LRRC7: variants seen among roughly 807,000 people sequenced by gnomAD.
LRRC7 encodes leucine rich repeat containing 7, also known as leucine-rich repeat-containing protein 7.
LRRC7 carries 23 observed loss-of-function variants against 175.7 expected under a neutral mutation model. The ratio of observed to expected loss-of-function variants is 0.13; its 90% CI spans 0.09 to 0.19. The LOEUF (loss-of-function observed/expected upper bound fraction) is 0.19, where lower values mean the gene tolerates loss of function less well. Among genes scored for constraint, LRRC7 ranks in the 10% least tolerant of loss-of-function variants. The pLI, the probability that LRRC7 is intolerant of heterozygous loss-of-function variation, is 1.00. For missense variants in LRRC7, 1,354 were observed against 1,904.7 expected (o/e 0.71, Z 5.38); for synonymous variants, 685 against 680.9 (o/e 1.01, Z -0.09).
Position 69,856,622 on chromosome 1 carries a change from T to C in LRRC7, c.647+18339T>C, listed in dbSNP as rs1683663127. On this transcript the variant is annotated intron_variant, in intron 7 of 26. Coordinates refer to ENST00000651989, the MANE Select transcript of LRRC7 (RefSeq NM_001370785.2). Reference sequence around the variant, plus strand: ...GCTGTGAAATTGAGGCAATAATTAATAGCCTACTAACCAAAAAAAGTCCAG... The same window carrying C: ...GCTGTGAAATTGAGGCAATAATTAACAGCCTACTAACCAAAAAAAGTCCAG... 2.0e-5 allele frequency among the ~76,000 whole-genome samples: 3 copies of C among 152,108 alleles called. No individual in the cohort carries two copies. The South Asian group carries it at 6.2e-4, about 32-fold the overall frequency.
chr1:69,639,476 ACT>A (rs1197804876), intron 1 of LRRC7, among the ~76,000 whole-genome samples: 1 of 151,842 alleles, frequency 6.6e-6, no homozygotes, highest in East Asian at 1.9e-4. Flanking sequence ...TTTTCTGCAA[ACT>A]CTATTTTTGT....
intron 8 of LRRC7, among the ~76,000 whole-genome samples, chr1:69,932,165 A>G (rs1328861796): frequency 2.0e-5 from 3 of 152,234 alleles, no homozygotes; most frequent in East Asian, 1.9e-4. Flanking sequence ...GATGCAAATC[A>G]GAAAGCATAT....
intron 7 of LRRC7, among the ~76,000 whole-genome samples, chr1:69,885,550 A>T: frequency 7.4e-6 from 1 of 135,264 alleles, no homozygotes; most frequent in Non-Finnish European, 1.5e-5. Flanking sequence ...AGTTTTGTTG[A>T]TCCTTGCAAA....
At chr1:70,043,928 G>A (rs1183333060) in intron 21 of LRRC7, 26 bp from the exon 22 acceptor site, 3 of 1,586,834 alleles carry the variant, frequency 1.9e-6, no homozygotes, top group Non-Finnish European at 2.6e-6. Context: ...TTCACACCCT[G>A]TCACATGATT....
chr1:69,973,906 C>A (rs572123652), intron 8 of LRRC7, among the ~76,000 whole-genome samples: 4 of 152,202 alleles, frequency 2.6e-5, no homozygotes, highest in Non-Finnish European at 5.9e-5. Flanking sequence ...TGATTTTGAT[C>A]TCTGTTTTAA....
At chr1:69,811,245 G>A (rs144139054) in intron 4 of LRRC7, among the ~76,000 whole-genome samples, 3,529 of 152,242 alleles carry the variant, frequency 0.023, 136 homozygotes, top group African/African-American at 0.08. Flanking sequence ...AGTTAGAATG[G>A]CAATCATTAA....
intron 26 of LRRC7, among the ~76,000 whole-genome samples, chr1:70,115,886 C>T (rs1169323694): frequency 6.6e-6 from 1 of 152,154 alleles, no homozygotes; most frequent in Non-Finnish European, 1.5e-5. Flanking sequence ...AGAGCAAGCT[C>T]TTCATCAAAA....
chr1:70,068,970 T>C (rs1392064960), intron 23 of LRRC7, among the ~76,000 whole-genome samples: 1 of 152,178 alleles, frequency 6.6e-6, no homozygotes, highest in African/African-American at 2.4e-5. Context: ...AAATGTCCAG[T>C]GAAACCATCT....
rs754635231 is a variant in LRRC7, at chr1:70,039,292, C to T, written c.3468C>T (p.Ser1156=). ...ARAGFLRRAD[S]LVSATEMAMF... ...CGGGCTTCCTGAGAAGGGCCGACTCCCTGGTGAGCGCCACAGAAATGGCCA... is the reference window on the plus strand; with the variant it reads ...CGGGCTTCCTGAGAAGGGCCGACTCTCTGGTGAGCGCCACAGAAATGGCCA... Residue 1156 remains serine (S), a synonymous_variant, in exon 21 of 27, where the codon TCC becomes TCT. Coordinates refer to ENST00000651989, the MANE Select transcript of LRRC7 (RefSeq NM_001370785.2). 3.1e-6 allele frequency: 5 copies of T among 1,614,014 alleles called. No homozygotes were observed. Among genetic ancestry groups the T allele is most frequent in the Admixed American group, 1.7e-5 (1 of 60,024 alleles).
At chr1:69,996,876 A>T (rs1257907248) in intron 11 of LRRC7, among the ~76,000 whole-genome samples, 1 of 152,116 alleles carries the variant, frequency 6.6e-6, no homozygotes, top group Non-Finnish European at 1.5e-5. Context: ...TGACTTGGCA[A>T]TGCGGGCTCT....
chr1:69,720,686 G>T (rs1424962257), intron 2 of LRRC7, among the ~76,000 whole-genome samples: 1 of 151,472 alleles, frequency 6.6e-6, no homozygotes, highest in African/African-American at 2.4e-5. Context: ...ATTTTTGCTG[G>T]TTATAGAATT....
At position 70,141,649 on chromosome 1, in the gene LRRC7, C is replaced by CT. The variant is rs1667065332; in HGVS notation, c.*19768dup. The CT allele has an allele frequency of 4.6e-5, 7 of 152,076 alleles. No individual in the cohort carries two copies. In the South Asian group the frequency reaches 1.4e-3, roughly 31 times the overall value. 9.4% of individuals were successfully genotyped at this position (152,076 alleles called of 1,614,324 possible). A position where few individuals can be genotyped will look rare whatever the true frequency, so the allele number is the denominator to read the frequency against. On this transcript the variant is annotated 3_prime_UTR_variant, in exon 27 of 27. Transcript: ENST00000651989. The stretch of plus-strand genomic sequence containing the variant: ...GAAAATTATCAAATGTAAATGATCC[C>CT]TTTTTTGCTGGATCTTATAAAATAT...
At chr1:70,011,334 G>T (rs1043613818) in intron 11 of LRRC7, among the ~76,000 whole-genome samples, 7 of 148,790 alleles carry the variant, frequency 4.7e-5, no homozygotes, top group East Asian at 3.9e-4. Context: ...AGAATTGGTG[G>T]TTTTTTTTTT....
intron 1 of LRRC7, among the ~76,000 whole-genome samples, chr1:69,661,407 C>T (rs1420331707): frequency 6.6e-6 from 1 of 152,136 alleles, no homozygotes; most frequent in African/African-American, 2.4e-5. Context: ...TGCCTTACAA[C>T]ATCCCAGAAA....
chr1:69,692,955 A>T (rs2050858), intron 2 of LRRC7, among the ~76,000 whole-genome samples: 36,545 of 152,050 alleles, frequency 0.24, 5,309 homozygotes, highest in African/African-American at 0.4. Context: ...AATAGAACAA[A>T]AGTGTGGCTC....
At chr1:69,715,789 T>A (rs1665277513) in intron 2 of LRRC7, among the ~76,000 whole-genome samples, 3 of 151,894 alleles carry the variant, frequency 2.0e-5, no homozygotes, top group Admixed American at 6.6e-5. Flanking sequence ...AAATTCAAGA[T>A]AAGGAAAAAT....
intron 8 of LRRC7, among the ~76,000 whole-genome samples, chr1:69,932,190 C>T (rs375453879): frequency 1.7e-4 from 26 of 152,140 alleles, no homozygotes; most frequent in Non-Finnish European, 2.1e-4. Context: ...CTTTACAAGA[C>T]GGCTCAGCTT....
chr1:69,673,863 A>G (rs1263858351), intron 1 of LRRC7, among the ~76,000 whole-genome samples: 1 of 152,246 alleles, frequency 6.6e-6, no homozygotes, highest in Admixed American at 6.5e-5. Context: ...TCTTTTTGGC[A>G]GTTCTCAAAA....
At chr1:70,090,302 TA>T in intron 25 of LRRC7, among the ~76,000 whole-genome samples, 1 of 152,234 alleles carries the variant, frequency 6.6e-6, no homozygotes, top group Admixed American at 6.6e-5. Flanking sequence ...AATAGAACTG[TA>T]GAATTGAGAA....
Sources: gnomAD v4.1 joint callset for allele counts (sites outside exome capture counted in the v4.1 genomes callset) on GRCh38, gnomAD v4.1.1 for gene constraint, MANE v1.5 for transcripts, NCBI Gene and HGNC (gene_info 2026-07-23, HGNC 2026-07-21) for gene names.